The following DEK variants were observed in gnomAD, a reference collection of about 807,000 sequenced individuals.
DEK encodes the protein protein DEK.
In DEK, 28 loss-of-function variants were observed where a neutral mutation model predicts 46.8. The ratio of observed to expected loss-of-function variants is 0.60; its 90% CI spans 0.44 to 0.82. The LOEUF (loss-of-function observed/expected upper bound fraction) is 0.82. DEK is among the 40% of genes least tolerant of loss of function. DEK has a pLI of 0.00. For missense variants in DEK, 416 were observed against 430.6 expected (o/e 0.97, Z 0.30); for synonymous variants, 160 against 144.5 (o/e 1.11, Z -0.77).
chr6:18,237,780 C>G (rs994560456), intron 7 of DEK, among the ~76,000 whole-genome samples: 1 of 151,210 alleles, frequency 6.6e-6, no homozygotes, highest in Non-Finnish European at 1.5e-5. Context: ...ATGCATTACT[C>G]TACTTAATCT....
intron 2 of DEK, among the ~76,000 whole-genome samples, chr6:18,259,272 G>A (rs1791737409): frequency 6.6e-6 from 1 of 151,440 alleles, no homozygotes; most frequent in South Asian, 2.1e-4. Context: ...GCTGGTGCCT[G>A]TAGTCCCAGC....
chr6:18,237,163 A>T, intron 8 of DEK: 2 of 294,398 alleles, frequency 6.8e-6, no homozygotes, highest in Non-Finnish European at 6.1e-6. Flanking sequence ...TCCCCAAGAT[A>T]TCTCTCTCTC....
intron 7 of DEK, among the ~76,000 whole-genome samples, chr6:18,243,468 A>G (rs1423576371): frequency 6.6e-6 from 1 of 152,140 alleles, no homozygotes; most frequent in Non-Finnish European, 1.5e-5. Context: ...CATGGGTTCA[A>G]CCTACATTAC....
At chr6:18,261,721 G>C (rs1791879363) in intron 2 of DEK, among the ~76,000 whole-genome samples, 1 of 152,168 alleles carries the variant, frequency 6.6e-6, no homozygotes, top group Admixed American at 6.5e-5. Context: ...TGTATCTTGG[G>C]AGTAAATAAC....
chr6:18,226,173 CCT>C lies in DEK; in HGVS notation c.1115_1116del (p.Glu372AlafsTer6), dbSNP rs751553946. 4.6e-6 allele frequency: 6 copies of C among 1,308,250 alleles called. No homozygotes were observed. Among genetic ancestry groups the C allele is most frequent in the South Asian group, 1.6e-5 (1 of 64,306 alleles). The allele number at this position is 1,308,250 out of a possible 1,614,324, so 81.0% of individuals were successfully genotyped here. On this transcript the variant is annotated frameshift_variant and splice_region_variant, in exon 10 of 11. Coordinates refer to ENST00000652689, the MANE Select transcript of DEK (RefSeq NM_003472.4). LOFTEE classifies it high-confidence loss of function. ...CAAACTTGAAAGACTGAAATATTTA[CCT>C]CTTTTACAGTTGTTTTTATGAAATC... ...RKDFIKTTVKELIS is the reference protein window; with the variant it reads ...RKDFIKTTVKXLIS
At chr6:18,255,888 T>C (rs372064884) in intron 5 of DEK, 37 bp from the exon 6 acceptor site, 32 of 1,578,426 alleles carry the variant, frequency 2.0e-5, no homozygotes, top group East Asian at 4.5e-5. Flanking sequence ...GGTGTTAATA[T>C]AGGAAAGCTT....
At chr6:18,233,025 A>G (rs1307285926) in intron 9 of DEK, among the ~76,000 whole-genome samples, 1 of 152,196 alleles carries the variant, frequency 6.6e-6, no homozygotes, top group Non-Finnish European at 1.5e-5. Context: ...AACAGAACAG[A>G]GCCCTCGGAA....
At chr6:18,237,659 GAT>G (rs1790717810) in intron 7 of DEK, 143 bp from the exon 8 acceptor site, 1 of 1,103,778 alleles carries the variant, frequency 9.1e-7, no homozygotes. Flanking sequence ...CTTTTTGAGA[GAT>G]GACTAATATA....
intron 7 of DEK, among the ~76,000 whole-genome samples, chr6:18,247,162 G>T (rs1469691392): frequency 6.6e-6 from 1 of 152,010 alleles, no homozygotes; most frequent in Admixed American, 6.6e-5. Context: ...TGTTCCTCCT[G>T]CCAGAACTTA....
At position 18,264,520 on chromosome 6, in the gene DEK, G is replaced by A. The variant is rs529744718; in HGVS notation, c.-145C>T. ...CTCGCGCCGCGCGCTCGGCTCCCCA[G>A]AATCAACAAGATTTTCAAAATGGCG... On this transcript the variant is annotated 5_prime_UTR_variant, in exon 1 of 11. Coordinates refer to ENST00000652689, the MANE Select transcript of DEK (RefSeq NM_003472.4). 118 of 226,968 alleles carry A rather than the reference G, an allele frequency of 5.2e-4. No homozygotes were observed. The highest frequency in any genetic ancestry group is 2.6e-3 in the African/African-American group (112 of 43,354). 14.1% of individuals were successfully genotyped at this position (226,968 alleles called of 1,614,324 possible).
At chr6:18,252,274 C>T (rs999138333) in intron 6 of DEK, among the ~76,000 whole-genome samples, 1 of 152,068 alleles carries the variant, frequency 6.6e-6, no homozygotes, top group African/African-American at 2.4e-5. Flanking sequence ...CTTTGGGAGG[C>T]CAAGGTGAGA....
chr6:18,238,949 G>A (rs537744590), intron 7 of DEK, among the ~76,000 whole-genome samples: 40 of 151,734 alleles, frequency 2.6e-4, no homozygotes, highest in South Asian at 4.2e-4. Context: ...ATGGAGTCTC[G>A]CTCTTGTTGC....
At chr6:18,226,115 T>C (rs1285658348) in intron 10 of DEK, 59 bp downstream of exon 10, 16 of 1,179,600 alleles carry the variant, frequency 1.4e-5, no homozygotes, top group Non-Finnish European at 1.8e-5. Flanking sequence ...TGGAGTATTT[T>C]ATGTAATTAC....
chr6:18,247,554 T>C (rs944854618), intron 7 of DEK, among the ~76,000 whole-genome samples: 1 of 152,222 alleles, frequency 6.6e-6, no homozygotes, highest in Admixed American at 6.5e-5. Flanking sequence ...TTGTGATTAT[T>C]ATCCTGGAAC....
intron 7 of DEK, among the ~76,000 whole-genome samples, chr6:18,246,160 C>T (rs140190647): frequency 6.6e-6 from 1 of 152,148 alleles, no homozygotes; most frequent in Non-Finnish European, 1.5e-5. Context: ...AAGCTAATCC[C>T]ACATAGGAAC....
chr6:18,256,634 G>T (rs904975612), intron 4 of DEK, among the ~76,000 whole-genome samples, 179 bp from the exon 5 acceptor site: 7 of 152,034 alleles, frequency 4.6e-5, no homozygotes, highest in African/African-American at 1.7e-4. Flanking sequence ...ATTCAAAACT[G>T]AAAAATGTAT....
intron 6 of DEK, among the ~76,000 whole-genome samples, chr6:18,251,054 CAAT>C (rs1239853258): frequency 6.6e-6 from 1 of 152,008 alleles, no homozygotes; most frequent in Non-Finnish European, 1.5e-5. Context: ...TTACAGTAAA[CAAT>C]AAATTTAATT....
chr6:18,238,622 T>C (rs1162317884), intron 7 of DEK, among the ~76,000 whole-genome samples: 6 of 148,138 alleles, frequency 4.1e-5, no homozygotes, highest in Admixed American at 2.7e-4. Context: ...GCTTGAACCC[T>C]GGAGATGGAG....
intron 9 of DEK, among the ~76,000 whole-genome samples, chr6:18,235,093 T>C (rs2151080301): frequency 6.6e-6 from 1 of 152,344 alleles, no homozygotes; most frequent in South Asian, 2.1e-4. Context: ...AATGATGATA[T>C]AACTGGGTGT....
Sources: allele counts gnomAD v4.1 joint callset (sites outside exome capture counted in the v4.1 genomes callset), GRCh38; gene constraint gnomAD v4.1.1; transcripts MANE v1.5; gene names NCBI Gene and HGNC (gene_info 2026-07-23, HGNC 2026-07-21).